AKR1D1: variants seen among roughly 807,000 people sequenced by gnomAD.
AKR1D1 encodes the protein aldo-keto reductase family 1 member D1, also known as delta(4)-3-ketosteroid 5-beta-reductase.
A neutral mutation model predicts 42.6 loss-of-function variants in AKR1D1; 32 were observed. That is an observed-to-expected ratio of 0.75 (90% CI 0.57 to 1.01). The LOEUF is 1.01. Ranked by LOEUF, AKR1D1 falls within the 50% of genes least tolerant of loss-of-function variation. The pLI, the probability that AKR1D1 is intolerant of heterozygous loss-of-function variation, is 0.00. For missense variants in AKR1D1, 364 were observed against 402.2 expected (o/e 0.91, Z 0.81); for synonymous variants, 123 against 135.5 (o/e 0.91, Z 0.64).
intron 8 of AKR1D1, among the ~76,000 whole-genome samples, chr7:138,114,328 A>G (rs540158500): frequency 2.6e-5 from 4 of 152,148 alleles, no homozygotes; most frequent in Non-Finnish European, 4.4e-5. Context: ...CAGCTAACCA[A>G]CTGAAGTAGC....
intron 1 of AKR1D1, among the ~76,000 whole-genome samples, chr7:138,084,966 GA>G (rs1289440873): frequency 7.1e-6 from 1 of 140,876 alleles, no homozygotes; most frequent in Non-Finnish European, 1.5e-5. Context: ...TGAGGTAGGA[GA>G]ATCGCTTGAA....
chr7:138,100,173 G>A (rs1222637783), intron 4 of AKR1D1, among the ~76,000 whole-genome samples: 2 of 134,072 alleles, frequency 1.5e-5, no homozygotes, highest in Non-Finnish European at 1.6e-5. Flanking sequence ...CAATAAAGAA[G>A]GCAAAATGGA....
At chr7:138,097,840 A>G (rs1794212859) in intron 3 of AKR1D1, 26 bp from the exon 4 acceptor site, 3 of 1,443,702 alleles carry the variant, frequency 2.1e-6, no homozygotes, top group East Asian at 4.7e-5. Flanking sequence ...AATGAATTAC[A>G]TTTATTCTTT....
intron 4 of AKR1D1, among the ~76,000 whole-genome samples, chr7:138,102,502 G>T (rs1794338374): frequency 6.6e-6 from 1 of 152,166 alleles, no homozygotes; most frequent in Admixed American, 6.5e-5. Flanking sequence ...CTGGTAGGTT[G>T]AGGCTGCAGT....
In AKR1D1 at chr7:138,116,922, GA is replaced by G. The variant is rs1353763570; in HGVS notation, c.*267del. On this transcript the variant is annotated 3_prime_UTR_variant, in exon 9 of 9. Transcript: ENST00000242375. Reference sequence around the variant, plus strand: ...ATCAGTATCTTCTAGATTCCAGACAGAAAAAAATTACACTTCAGAAAAGACA... The same window carrying G: ...ATCAGTATCTTCTAGATTCCAGACAGAAAAAATTACACTTCAGAAAAGACA... The G allele has an allele frequency of 1.1e-5, 5 of 438,102 alleles. No individual in the cohort carries two copies. Among genetic ancestry groups the G allele is most frequent in the Admixed American group, 3.8e-5 (1 of 26,202 alleles). The allele number at this position is 438,102 out of a possible 1,614,324, so 27.1% of individuals were successfully genotyped here. A position where few individuals can be genotyped will look rare whatever the true frequency, so the allele number is the denominator to read the frequency against.
At chr7:138,111,834 G>GTTGA (rs569482694) in intron 7 of AKR1D1, among the ~76,000 whole-genome samples, 104 of 152,270 alleles carry the variant, frequency 6.8e-4, no homozygotes, top group Non-Finnish European at 1.1e-3. Flanking sequence ...GTGAATCAGT[G>GTTGA]TTGATTTTTT....
At chr7:138,093,789 AC>A (rs1163689201) in intron 3 of AKR1D1, among the ~76,000 whole-genome samples, 10 of 152,364 alleles carry the variant, frequency 6.6e-5, no homozygotes, top group African/African-American at 2.4e-4. Context: ...AGTATTATAT[AC>A]TATACATGAT....
chr7:138,093,886 A>C (rs549466619), intron 3 of AKR1D1, among the ~76,000 whole-genome samples: 1 of 152,360 alleles, frequency 6.6e-6, no homozygotes, highest in East Asian at 1.9e-4. Flanking sequence ...ACTAGGTGAT[A>C]GGAATTTTAA....
intron 7 of AKR1D1, among the ~76,000 whole-genome samples, chr7:138,108,274 T>G (rs1463368570): frequency 6.6e-6 from 1 of 152,160 alleles, no homozygotes; most frequent in African/African-American, 2.4e-5. Flanking sequence ...TACTAAAGAC[T>G]AAACTGCTAG....
chr7:138,114,477 T>C (rs1446043799), intron 8 of AKR1D1, among the ~76,000 whole-genome samples: 1 of 152,006 alleles, frequency 6.6e-6, no homozygotes, highest in East Asian at 1.9e-4. Flanking sequence ...CTGGCCAACA[T>C]GGAGAAACCC....
At chr7:138,092,693 A>G (rs1794107996) in intron 3 of AKR1D1, among the ~76,000 whole-genome samples, 1 of 152,230 alleles carries the variant, frequency 6.6e-6, no homozygotes, top group Admixed American at 6.5e-5. Context: ...ACTATTCTGA[A>G]TACTGTAGAC....
chr7:138,091,033 C>T (rs1451382067), intron 2 of AKR1D1, among the ~76,000 whole-genome samples: 1 of 152,146 alleles, frequency 6.6e-6, no homozygotes, highest in Non-Finnish European at 1.5e-5. Context: ...ATCAGAGTGG[C>T]ATGACAATAA....
intron 7 of AKR1D1, among the ~76,000 whole-genome samples, chr7:138,108,434 T>C (rs1255164338): frequency 6.6e-6 from 1 of 152,154 alleles, no homozygotes; most frequent in Admixed American, 6.5e-5. Context: ...TATCAGAAAA[T>C]AATCAAAATA....
intron 4 of AKR1D1, 38 bp downstream of exon 4, chr7:138,097,981 T>C (rs761666062): frequency 7.1e-7 from 1 of 1,411,376 alleles, no homozygotes; most frequent in East Asian, 2.3e-5. Flanking sequence ...AAAGACGATA[T>C]TTTTAAAACT....
rs890963390 is a variant in AKR1D1, at chr7:138,095,149, A to C, written c.379-2717A>C. Among the ~76,000 whole-genome samples the C allele has an allele frequency of 5.3e-5, 8 of 152,334 alleles. No homozygotes were observed. In the East Asian group the frequency reaches 1.4e-3, roughly 26 times the overall value. On this transcript the variant is annotated intron_variant, in intron 3 of 8. Coordinates refer to ENST00000242375, the MANE Select transcript of AKR1D1 (RefSeq NM_005989.4). The stretch of plus-strand genomic sequence containing the variant: ...ACCTAGAGGTATCTAATGTGGGTTC[A>C]GGCTTGATAACCACCTGATTAGAAT...
At chr7:138,092,862 T>A (rs555573050) in intron 3 of AKR1D1, among the ~76,000 whole-genome samples, 1 of 152,030 alleles carries the variant, frequency 6.6e-6, no homozygotes, top group Non-Finnish European at 1.5e-5. Flanking sequence ...AAGTGGTGAG[T>A]GAATGTGAAG....
At chr7:138,105,565 T>A in intron 5 of AKR1D1, 136 bp downstream of exon 5, 1 of 1,305,772 alleles carries the variant, frequency 7.7e-7, no homozygotes, top group Non-Finnish European at 1.1e-6. Context: ...GTGCAAGTCT[T>A]TAGACTTCTT....
chr7:138,113,475 T>C (rs1007244228), intron 7 of AKR1D1, among the ~76,000 whole-genome samples: 2 of 152,192 alleles, frequency 1.3e-5, no homozygotes, highest in African/African-American at 4.8e-5. Flanking sequence ...CATTTGGAAT[T>C]TCTTGTAAGA....
chr7:138,103,280 G>A (rs1794353061), intron 4 of AKR1D1, among the ~76,000 whole-genome samples: 1 of 149,848 alleles, frequency 6.7e-6, no homozygotes, highest in Non-Finnish European at 1.5e-5. Flanking sequence ...CTTAAAGTGT[G>A]TATTATCTAT....
Sources: allele counts gnomAD v4.1 joint callset (sites outside exome capture counted in the v4.1 genomes callset), GRCh38; gene constraint gnomAD v4.1.1; transcripts MANE v1.5; gene names NCBI Gene and HGNC (gene_info 2026-07-23, HGNC 2026-07-21).